ASAP1: variants seen among roughly 807,000 people sequenced by gnomAD.
The protein encoded by ASAP1 is arf-GAP with SH3 domain, ANK repeat and PH domain-containing protein 1.
In ASAP1, 43 loss-of-function variants were observed where a neutral mutation model predicts 145.2. The observed-to-expected ratio is 0.30, with a 90% CI of 0.23 to 0.38. ASAP1 has a LOEUF of 0.38. Among genes scored for constraint, ASAP1 ranks in the 10% least tolerant of loss-of-function variants. ASAP1 has a pLI of 1.00. For synonymous variants in ASAP1, 546 were observed against 515.5 expected, an observed-to-expected ratio of 1.06 and a Z score of -0.80; for missense variants, 1,018 against 1,355.3, an observed-to-expected ratio of 0.75 and a Z score of 3.91.
At chr8:130,230,042 C>A (rs1321579034) in intron 4 of ASAP1, among the ~76,000 whole-genome samples, 1 of 149,930 alleles carries the variant, frequency 6.7e-6, no homozygotes, top group Non-Finnish European at 1.5e-5. Flanking sequence ...CCAGCCTGGG[C>A]AACACAGTGA....
At chr8:130,399,851 T>A (rs897334223) in intron 2 of ASAP1, among the ~76,000 whole-genome samples, 2 of 122,860 alleles carry the variant, frequency 1.6e-5, no homozygotes, top group African/African-American at 7.6e-5. Flanking sequence ...AGTTTCGCTC[T>A]TGTTGCCCAG....
At chr8:130,252,174 G>T (rs988709682) in intron 3 of ASAP1, among the ~76,000 whole-genome samples, 3 of 152,104 alleles carry the variant, frequency 2.0e-5, no homozygotes, top group African/African-American at 7.2e-5. Flanking sequence ...ATTATGTATG[G>T]AACAAATTAG....
At position 130,215,745 on chromosome 8, in the gene ASAP1, A is replaced by AAAC. The variant is rs969137360; in HGVS notation, c.260-1047_260-1045dup. Among the ~76,000 whole-genome samples the AAAC allele has an allele frequency of 9.7e-4, 148 of 151,884 alleles. 1 individual carries two copies. The highest frequency in any genetic ancestry group is 3.4e-3 in the Middle Eastern group (1 of 292). ...AGCAACAGAGTGAGACTCTGTCTCA[A>AAAC]AACAACAACAACAACAACAACAAAA... is the stretch of plus-strand genomic sequence containing the variant. On this transcript the variant is annotated intron_variant, in intron 4 of 29. Coordinates refer to ENST00000518721, the MANE Select transcript of ASAP1 (RefSeq NM_018482.4).
chr8:130,410,456 G>T (rs546715671), intron 1 of ASAP1, among the ~76,000 whole-genome samples: 1 of 152,204 alleles, frequency 6.6e-6, no homozygotes, highest in Admixed American at 6.5e-5. Flanking sequence ...GGGAGGCTAG[G>T]CTCACTAACT....
intron 4 of ASAP1, among the ~76,000 whole-genome samples, chr8:130,230,726 C>T (rs1175376059): frequency 6.6e-6 from 1 of 151,978 alleles, no homozygotes; most frequent in Non-Finnish European, 1.5e-5. Context: ...TACTGTAATT[C>T]AAAAAGATTT....
intron 10 of ASAP1, among the ~76,000 whole-genome samples, chr8:130,167,999 T>C (rs1445438279): frequency 6.6e-6 from 1 of 152,198 alleles, no homozygotes; most frequent in Non-Finnish European, 1.5e-5. Context: ...AGGAGTCTAA[T>C]GGGCCAATGC....
intron 3 of ASAP1, among the ~76,000 whole-genome samples, chr8:130,300,153 C>G (rs7840060): frequency 0.11 from 8,430 of 76,500 alleles, 725 homozygotes; most frequent in African/African-American, 0.16. Context: ...CACACACACA[C>G]AGAGAGAGAG....
At chr8:130,266,154 G>C (rs1026465497) in intron 3 of ASAP1, among the ~76,000 whole-genome samples, 10 of 152,254 alleles carry the variant, frequency 6.6e-5, no homozygotes, top group African/African-American at 2.4e-4. Flanking sequence ...AGGTGAACTA[G>C]GGAAGAGAAA....
At chr8:130,104,840 A>G (rs1290947459) in intron 24 of ASAP1, among the ~76,000 whole-genome samples, 3 of 152,200 alleles carry the variant, frequency 2.0e-5, no homozygotes, top group Non-Finnish European at 4.4e-5. Context: ...GAGACCAAAT[A>G]AAAGTATAAC....
rs2097399247 is a variant in ASAP1, at chr8:130,054,458, T to G, written c.*273A>C. On this transcript the variant is annotated 3_prime_UTR_variant, in exon 30 of 30. Transcript: ENST00000518721. ...TCCTATACTCCTATTTTTGTTTGTT[T>G]GCTTGTAGAACAGCATAGAGAGATG... 1 of 306,634 alleles carries G rather than the reference T, an allele frequency of 3.3e-6. No homozygotes were observed. The highest frequency in any genetic ancestry group is 5.9e-5 in the East Asian group (1 of 16,830). 19.0% of individuals were successfully genotyped at this position (306,634 alleles called of 1,614,324 possible). A position where few individuals can be genotyped will look rare whatever the true frequency, so the allele number is the denominator to read the frequency against.
rs1372338877 is a variant in ASAP1, at chr8:130,091,007, C to T, written c.2572+966G>A. On this transcript the variant is annotated intron_variant, in intron 25 of 29. Transcript: ENST00000518721. ...TCTGTCACGGGCCAAGACCCTGTTT[C>T]GTGATGGGGTGACCCCTAAGTCGCT... 3.3e-5 allele frequency among the ~76,000 whole-genome samples: 5 copies of T among 152,300 alleles called. No individual in the cohort carries two copies. The East Asian group carries it at 5.8e-4, about 18-fold the overall frequency.
chr8:130,286,984 T>C (rs867859714), intron 3 of ASAP1, among the ~76,000 whole-genome samples: 4 of 151,988 alleles, frequency 2.6e-5, no homozygotes, highest in African/African-American at 7.2e-5. Flanking sequence ...AAAAGGCGAA[T>C]GAGCACAATT....
At chr8:130,363,190 C>T (rs915906049) in intron 2 of ASAP1, among the ~76,000 whole-genome samples, 19 of 152,026 alleles carry the variant, frequency 1.2e-4, no homozygotes, top group African/African-American at 3.9e-4. Context: ...ATTATTTTTC[C>T]GATATTATGG....
At chr8:130,059,580 A>C (rs1226965994) in intron 28 of ASAP1, among the ~76,000 whole-genome samples, 1 of 152,150 alleles carries the variant, frequency 6.6e-6, no homozygotes, top group Non-Finnish European at 1.5e-5. Context: ...CTCTTCCCAA[A>C]GTGCTGGGTA....
intron 13 of ASAP1, among the ~76,000 whole-genome samples, chr8:130,139,933 A>C (rs534274268): frequency 3.4e-4 from 51 of 150,904 alleles, no homozygotes; most frequent in South Asian, 2.3e-3. Flanking sequence ...AAAAAAAAAA[A>C]AACAACAAAA....
intron 3 of ASAP1, among the ~76,000 whole-genome samples, chr8:130,314,616 G>A (rs1282077009): frequency 6.6e-6 from 1 of 152,242 alleles, no homozygotes; most frequent in Non-Finnish European, 1.5e-5. Context: ...TGCCTGGGCA[G>A]GCTTTCCAAA....
chr8:130,312,831 T>C (rs752583192), intron 3 of ASAP1, among the ~76,000 whole-genome samples: 57 of 152,194 alleles, frequency 3.7e-4, no homozygotes, highest in Non-Finnish European at 1.2e-4. Flanking sequence ...AGTCATACCC[T>C]AGCATTCTGG....
chr8:130,268,766 G>A, intron 3 of ASAP1, among the ~76,000 whole-genome samples: 1 of 152,068 alleles, frequency 6.6e-6, no homozygotes, highest in East Asian at 1.9e-4. Flanking sequence ...TAGAGGGGAG[G>A]CATTCAGGCT....
intron 5 of ASAP1, among the ~76,000 whole-genome samples, chr8:130,192,995 C>G (rs927506584): frequency 3.9e-5 from 6 of 152,160 alleles, no homozygotes; most frequent in African/African-American, 1.4e-4. Flanking sequence ...CTTTATGCTT[C>G]ACTTTGAAAA....
Sources: allele counts gnomAD v4.1 joint callset (sites outside exome capture counted in the v4.1 genomes callset), GRCh38; gene constraint gnomAD v4.1.1; transcripts MANE v1.5; gene names NCBI Gene and HGNC (gene_info 2026-07-23, HGNC 2026-07-21).